HOXB5: variants seen among roughly 807,000 people sequenced by gnomAD.
HOXB5 encodes homeobox protein Hox-B5.
HOXB5 carries 10 observed loss-of-function variants against 19.6 expected under a neutral mutation model. The observed-to-expected ratio is 0.51, with a 90% CI of 0.32 to 0.87. The LOEUF (loss-of-function observed/expected upper bound fraction) is 0.87. Among genes scored for constraint, HOXB5 ranks in the 40% least tolerant of loss-of-function variants. HOXB5 has a pLI of 0.04. For missense variants in HOXB5, 353 were observed against 369.6 expected (o/e 0.96, Z 0.37); for synonymous variants, 167 against 156.9 (o/e 1.06, Z -0.48).
chr17:48,593,321 G>A lies in HOXB5; in HGVS notation c.362C>T (p.Ala121Val). ...KPSASSPSDQ[A>V]TSASSSANFT... Reference sequence around the variant, plus strand: ...ATTGGCGCTGGAGCTGGCTGAGGTCGCCTGGTCGGAGGGGGACGAAGCAGA... The same window carrying A: ...ATTGGCGCTGGAGCTGGCTGAGGTCACCTGGTCGGAGGGGGACGAAGCAGA... The change falls in exon 1 of 2, where the codon GCG becomes GTG. Residue 121 changes from alanine to valine, a missense_variant. Ala to Val is a moderately conservative substitution (Grantham distance 64, BLOSUM62 0). Coordinates refer to ENST00000239151, the MANE Select transcript of HOXB5 (RefSeq NM_002147.4). The A allele has an allele frequency of 1.9e-6, 3 of 1,611,084 alleles. No homozygotes were observed. Among genetic ancestry groups the A allele is most frequent in the South Asian group, 1.1e-5 (1 of 90,792 alleles).
rs1159564590 is a variant in HOXB5, at chr17:48,593,185, T to C, written c.498A>G (p.Thr166=). ...GCGGAGTCTGCCCCTCGGGCGCGGC[T>C]GTGGAGGTGGCCATGGGCTCTGGCT... The part of the protein sequence containing the change: ...RAQPEPMATS[T]AAPEGQTPQI... The change falls in exon 1 of 2, where the codon ACA becomes ACG. Residue 166 remains threonine (T), a synonymous_variant. Coordinates refer to ENST00000239151, the MANE Select transcript of HOXB5 (RefSeq NM_002147.4). 1 of 1,603,366 alleles carries C rather than the reference T, an allele frequency of 6.2e-7. No individual in the cohort carries two copies. Among genetic ancestry groups the C allele is most frequent in the South Asian group, 1.1e-5 (1 of 90,704 alleles).
At chr17:48,592,698 C>T (rs1387993843) in intron 1 of HOXB5, among the ~76,000 whole-genome samples, 1 of 152,226 alleles carries the variant, frequency 6.6e-6, no homozygotes, top group African/African-American at 2.4e-5. Flanking sequence ...CCTAGTGCCT[C>T]ACCCTTGGCT....
rs754033817 is a variant in HOXB5, at chr17:48,593,420, G to T, written c.263C>A (p.Ala88Glu). Residue 88 changes from alanine (A) to glutamate (E), a missense_variant, in exon 1 of 2, where the codon GCG (alanine) becomes GAG (glutamate). Coordinates refer to ENST00000239151, the MANE Select transcript of HOXB5 (RefSeq NM_002147.4). ...CGAGGACAGGGAGCAGCTCGAAGCC[G>T]CTTGCCTGAAGCGGGGCTCCTGGGC... The part of the protein sequence containing the change: ...APAQEPRFRQ[A>E]ASSCSLSSPE... 6.2e-7 allele frequency: 1 copy of T among 1,608,886 alleles called. No individual in the cohort carries two copies. Among genetic ancestry groups the T allele is most frequent in the South Asian group, 1.1e-5 (1 of 90,540 alleles).
intron 1 of HOXB5, 52 bp downstream of exon 1, chr17:48,593,069 C>CCA: frequency 9.8e-7 from 1 of 1,016,350 alleles, no homozygotes; most frequent in Non-Finnish European, 1.4e-6. Context: ...CGATCCCACC[C>CCA]CAAAACGCAG....
At chr17:48,592,532 G>A (rs529364324) in intron 1 of HOXB5, 76 bp from the exon 2 acceptor site, 2 of 1,330,432 alleles carry the variant, frequency 1.5e-6, no homozygotes, top group African/African-American at 1.5e-5. Context: ...GAGGGGGCGG[G>A]GGAGCAGGAC....
At chr17:48,593,045 TCTC>T in intron 1 of HOXB5, 73 bp downstream of exon 1, 1 of 1,016,208 alleles carries the variant, frequency 9.8e-7, no homozygotes, top group East Asian at 2.5e-5. Flanking sequence ...AAAGCCAAGC[TCTC>T]CTTGTCCCCC....
rs2070206395 is a variant in HOXB5 at position 48,593,657 on chromosome 17, AAGG to A, written c.23_25del (p.Ser8del). 6.2e-7 allele frequency: 1 copy of A among 1,611,946 alleles called. No individual in the cohort carries two copies. Among genetic ancestry groups the A allele is most frequent in the Admixed American group, 1.7e-5 (1 of 59,942 alleles). On this transcript the variant is annotated inframe_deletion, in exon 1 of 2. Coordinates refer to ENST00000239151, the MANE Select transcript of HOXB5 (RefSeq NM_002147.4). ...CGGGCCATTTGGATAACGCCCCGAG[AAGG>A]AGTTTACAAAGTACGAGCTCATTTG...
In HOXB5 at chr17:48,592,395, C is replaced by A. The variant is rs1457897093; in HGVS notation, c.624G>T (p.Glu208Asp). ...GGTTGAAGTGGAACTCCTTTTCCAG[C>A]TCCAGGGTCTGGTAGCGGGTATACG... is the stretch of plus-strand genomic sequence containing the variant. ...RTAYTRYQTL[E>D]LEKEFHFNRY... Residue 208 changes from glutamate (E) to aspartate (D), a missense_variant, in exon 2 of 2, where the codon GAG becomes GAT. Physicochemically the swap from Glu to Asp is conservative, Grantham distance 45. Transcript: ENST00000239151. 5.0e-6 allele frequency: 8 copies of A among 1,614,180 alleles called. No individual in the cohort carries two copies. The highest frequency in any genetic ancestry group is 2.7e-5 in the African/African-American group (2 of 75,024).
intron 1 of HOXB5, among the ~76,000 whole-genome samples, chr17:48,592,834 C>T (rs2070184285): frequency 6.6e-6 from 1 of 152,180 alleles, no homozygotes; most frequent in Admixed American, 6.5e-5. Flanking sequence ...TAAGCAGGAC[C>T]CTTCCCCACA....
intron 1 of HOXB5, 41 bp downstream of exon 1, chr17:48,593,080 A>G: frequency 5.1e-6 from 4 of 778,532 alleles, no homozygotes; most frequent in South Asian, 1.9e-5. Flanking sequence ...CAAAACGCAG[A>G]GAAGGAAAGC....
chr17:48,591,969 A>C lies in HOXB5; in HGVS notation c.*240T>G. On this transcript the variant is annotated 3_prime_UTR_variant, in exon 2 of 2. Coordinates refer to ENST00000239151, the MANE Select transcript of HOXB5 (RefSeq NM_002147.4). ...GGCGGATTTGGGACAAGCAGAAGGG[A>C]GTTGGGAGCATGGAAGGAAAATAAT... is the stretch of plus-strand genomic sequence containing the variant. 3 of 263,038 alleles carry C rather than the reference A, an allele frequency of 1.1e-5. No individual in the cohort carries two copies. The highest frequency in any genetic ancestry group is 2.1e-5 in the Non-Finnish European group (3 of 142,830). The allele number at this position is 263,038 out of a possible 1,614,324, so 16.3% of individuals were successfully genotyped here. A position where few individuals can be genotyped will look rare whatever the true frequency, so the allele number is the denominator to read the frequency against.
rs778131881 is a variant in HOXB5 at position 48,593,179 on chromosome 17, C to G, written c.504G>C (p.Ala168=). ...ATATTTGCGGAGTCTGCCCCTCGGG[C>G]GCGGCTGTGGAGGTGGCCATGGGCT... ...QPEPMATSTA[A]PEGQTPQIFP... Residue 168 remains alanine, a synonymous_variant, in exon 1 of 2, where the codon GCG becomes GCC. Coordinates refer to ENST00000239151, the MANE Select transcript of HOXB5 (RefSeq NM_002147.4). The G allele has an allele frequency of 1.9e-6, 3 of 1,594,904 alleles. No individual in the cohort carries two copies. Among genetic ancestry groups the G allele is most frequent in the Non-Finnish European group, 2.6e-6 (3 of 1,167,910 alleles).
intron 1 of HOXB5, 66 bp downstream of exon 1, chr17:48,593,055 C>T: frequency 3.6e-6 from 2 of 550,668 alleles, no homozygotes; most frequent in Non-Finnish European, 3.3e-6. Flanking sequence ...TCTCCTTGTC[C>T]CCCCGATCCC....
chr17:48,592,322 G>A lies in HOXB5; in HGVS notation c.697C>T (p.Leu233=), dbSNP rs1300057107. The change falls in exon 2 of 2, where the codon CTG becomes TTG. Residue 233 remains leucine, a synonymous_variant. Transcript: ENST00000239151. The part of the protein sequence containing the change: ...RRIEIAHALC[L]SERQIKIWFQ... ...CAGATCTTGATCTGGCGCTCGGACA[G>A]GCAGAGTGCGTGGGCGATCTCGATG... 2 of 1,614,162 alleles carry A rather than the reference G, an allele frequency of 1.2e-6. No individual in the cohort carries two copies. The highest frequency in any genetic ancestry group is 8.5e-7 in the Non-Finnish European group (1 of 1,180,034).
rs1387084915 is a variant in HOXB5 at position 48,591,783 on chromosome 17, C to G, written c.*426G>C. On this transcript the variant is annotated 3_prime_UTR_variant, in exon 2 of 2. Transcript: ENST00000239151. Reference sequence around the variant, plus strand: ...ACCCCACCTCAACTGCTGCCCCTTACAGAAGTTTCCAGCTGAAACTCAAAA... The same window carrying G: ...ACCCCACCTCAACTGCTGCCCCTTAGAGAAGTTTCCAGCTGAAACTCAAAA... 6.5e-6 allele frequency: 1 copy of G among 153,522 alleles called. No individual in the cohort carries two copies. The highest frequency in any genetic ancestry group is 1.4e-5 in the Non-Finnish European group (1 of 69,192). 9.5% of individuals were successfully genotyped at this position (153,522 alleles called of 1,614,324 possible). A position where few individuals can be genotyped will look rare whatever the true frequency, so the allele number is the denominator to read the frequency against.
Position 48,593,176 on chromosome 17 carries a change from G to A in HOXB5, c.507C>T (p.Pro169=). 1 of 1,593,134 alleles carries A rather than the reference G, an allele frequency of 6.3e-7. No individual in the cohort carries two copies. The highest frequency in any genetic ancestry group is 8.6e-7 in the Non-Finnish European group (1 of 1,166,608). Residue 169 remains proline (P), a synonymous_variant, in exon 1 of 2, where the codon CCC becomes CCT. Coordinates refer to ENST00000239151, the MANE Select transcript of HOXB5 (RefSeq NM_002147.4). ...GGAATATTTGCGGAGTCTGCCCCTCGGGCGCGGCTGTGGAGGTGGCCATGG... is the reference window on the plus strand; with the variant it reads ...GGAATATTTGCGGAGTCTGCCCCTCAGGCGCGGCTGTGGAGGTGGCCATGG... ...PEPMATSTAA[P]EGQTPQIFPW... is the part of the protein sequence containing the mutation.
At position 48,592,503 on chromosome 17, in the gene HOXB5, G is replaced by A. The variant is rs758954649; in HGVS notation, c.563-47C>T. 4 of 1,559,274 alleles carry A rather than the reference G, an allele frequency of 2.6e-6. No homozygotes were observed. In the Admixed American group the frequency reaches 5.5e-5, roughly 21 times the overall value. The stretch of plus-strand genomic sequence containing the variant: ...CGCAAGGCAACATTATTCCGGTTAA[G>A]GGAGGGGGCACTGGGTGGGAGGGGG... On this transcript the variant is annotated intron_variant, in intron 1 of 1. Transcript: ENST00000239151.
chr17:48,593,054 C>CA, intron 1 of HOXB5, 67 bp downstream of exon 1: 2 of 445,956 alleles, frequency 4.5e-6, no homozygotes, highest in Non-Finnish European at 8.7e-6. Context: ...CTCTCCTTGT[C>CA]CCCCCGATCC....
Position 48,592,442 on chromosome 17 carries a change from C to T in HOXB5, c.577G>A (p.Asp193Asn), listed in dbSNP as rs2070175038. 6.2e-7 allele frequency: 1 copy of T among 1,611,560 alleles called. No individual in the cohort carries two copies. Among genetic ancestry groups the T allele is most frequent in the Non-Finnish European group, 8.5e-7 (1 of 1,178,682 alleles). ...TACGCGGTCCGGGCCCTTTTCCCGTCCGGCCCGGTCATATCTGGAGCAGAT... is the reference window on the plus strand; with the variant it reads ...TACGCGGTCCGGGCCCTTTTCCCGTTCGGCCCGGTCATATCTGGAGCAGAT... ...LHISHDMTGP[D>N]GKRARTAYTR... Residue 193 changes from aspartate to asparagine, a missense_variant, in exon 2 of 2, where the codon GAC becomes AAC. Asp to Asn is a conservative substitution (Grantham distance 23). Coordinates refer to ENST00000239151, the MANE Select transcript of HOXB5 (RefSeq NM_002147.4).
Sources: gnomAD v4.1 joint callset for allele counts (sites outside exome capture counted in the v4.1 genomes callset) on GRCh38, gnomAD v4.1.1 for gene constraint, MANE v1.5 for transcripts, NCBI Gene and HGNC (gene_info 2026-07-23, HGNC 2026-07-21) for gene names.